The following CELF4 variants were observed in gnomAD, a reference collection of about 807,000 sequenced individuals.
CELF4 encodes CUGBP Elav-like family member 4, also known as CUG-BP- and ETR-3-like factor 4.
Under a neutral mutation model 59.9 loss-of-function variants are expected in CELF4, and 18 were observed. That is an observed-to-expected ratio of 0.30 (90% CI 0.21 to 0.45). The LOEUF is 0.45. CELF4 is among the 20% of genes least tolerant of loss of function. The pLI, the probability that CELF4 is intolerant of heterozygous loss-of-function variation, is 1.00. For synonymous variants in CELF4, 261 were observed against 267.1 expected, an observed-to-expected ratio of 0.98 and a Z score of 0.22; for missense variants, 456 against 689.0, an observed-to-expected ratio of 0.66 and a Z score of 3.79.
At chr18:37,515,029 A>T (rs2099949082) in intron 1 of CELF4, among the ~76,000 whole-genome samples, 1 of 152,176 alleles carries the variant, frequency 6.6e-6, no homozygotes, top group Non-Finnish European at 1.5e-5. Context: ...CTTTTAACAA[A>T]TCCTCATCCT....
In CELF4 at chr18:37,389,742, G is replaced by A. The variant is rs374520933; in HGVS notation, c.370-67861C>T. On this transcript the variant is annotated intron_variant, in intron 2 of 12. Coordinates refer to ENST00000420428, the MANE Select transcript of CELF4 (RefSeq NM_020180.4). ...GCGTCACACGTACAGGAGTGTGAGC[G>A]TGCACACAGTCAGAAATTTATAGAC... 5.5e-4 allele frequency among the ~76,000 whole-genome samples: 84 copies of A among 152,264 alleles called. 2 individuals are homozygous for A. The South Asian group carries it at 0.015, about 28-fold the overall frequency.
intron 2 of CELF4, among the ~76,000 whole-genome samples, chr18:37,387,662 G>T (rs987772712): frequency 1.3e-5 from 2 of 152,234 alleles, no homozygotes; most frequent in Admixed American, 1.3e-4. Flanking sequence ...AGAGTCCAGG[G>T]CTGGCTGAAG....
chr18:37,484,554 C>A (rs2099876907), intron 2 of CELF4, among the ~76,000 whole-genome samples: 1 of 152,208 alleles, frequency 6.6e-6, no homozygotes, highest in African/African-American at 2.4e-5. Flanking sequence ...AAGGAAGGCC[C>A]TGTGTAATTC....
chr18:37,442,878 C>T (rs571249033), intron 2 of CELF4, among the ~76,000 whole-genome samples: 37 of 152,304 alleles, frequency 2.4e-4, no homozygotes, highest in African/African-American at 8.7e-4. Context: ...TTAAGCTCTC[C>T]TTCCTTTTCT....
Position 37,273,142 on chromosome 18 carries a change from G to C in CELF4, c.823C>G (p.Leu275Val). 6.2e-7 allele frequency: 1 copy of C among 1,610,662 alleles called. No individual in the cohort carries two copies. The highest frequency in any genetic ancestry group is 1.7e-5 in the Admixed American group (1 of 59,972). The change falls in exon 7 of 13, where the codon CTG becomes GTG. Residue 275 changes from leucine to valine, a missense_variant. By Grantham distance (32) the Leu-to-Val change is conservative. Coordinates refer to ENST00000420428, the MANE Select transcript of CELF4 (RefSeq NM_020180.4). ...AQALMQQQAA[L>V]MASVAQGGYL... ...CCGCCCTGCGCGACTGATGCCATCA[G>C]GGCCGCTTGCTGCTGCATCAGCTGG...
intron 1 of CELF4, among the ~76,000 whole-genome samples, chr18:37,492,953 G>T (rs545680506): frequency 1.3e-5 from 2 of 152,232 alleles, no homozygotes; most frequent in South Asian, 4.1e-4. Flanking sequence ...TCCAGCCAAG[G>T]TTGACCCTCC....
intron 12 of CELF4, among the ~76,000 whole-genome samples, chr18:37,250,077 C>T (rs528494417): frequency 2.0e-5 from 3 of 152,040 alleles, no homozygotes; most frequent in South Asian, 2.1e-4. Context: ...TAAGCAGTGG[C>T]GGAACAAGGG....
intron 6 of CELF4, chr18:37,273,933 G>A (rs911216417): frequency 2.8e-6 from 3 of 1,067,356 alleles, no homozygotes; most frequent in Middle Eastern, 4.3e-4. Flanking sequence ...TGAAGTCACC[G>A]TTCCATGGAG....
At chr18:37,558,852 T>C (rs1603644191) in intron 1 of CELF4, among the ~76,000 whole-genome samples, 1 of 150,722 alleles carries the variant, frequency 6.6e-6, no homozygotes, top group Admixed American at 6.6e-5. Flanking sequence ...AAAAGGAAAG[T>C]CGCCTGGAAT....
intron 1 of CELF4, among the ~76,000 whole-genome samples, chr18:37,531,245 C>A (rs748575220): frequency 1.3e-5 from 2 of 152,086 alleles, no homozygotes; most frequent in Non-Finnish European, 2.9e-5. Flanking sequence ...TCAGCTGGGG[C>A]CCCCCTCCAG....
intron 2 of CELF4, among the ~76,000 whole-genome samples, chr18:37,390,960 G>A (rs1419223272): frequency 2.0e-5 from 3 of 152,068 alleles, no homozygotes; most frequent in South Asian, 2.1e-4. Context: ...TGCAGGGAGC[G>A]GGCCACCCGT....
At chr18:37,360,859 C>T (rs1047220643) in intron 2 of CELF4, among the ~76,000 whole-genome samples, 3 of 152,322 alleles carry the variant, frequency 2.0e-5, no homozygotes, top group African/African-American at 7.2e-5. Flanking sequence ...TATGTGATTG[C>T]GACAAAATCC....
intron 1 of CELF4, 93 bp downstream of exon 1, chr18:37,565,263 C>T: frequency 7.1e-7 from 1 of 1,412,118 alleles, no homozygotes; most frequent in Non-Finnish European, 9.5e-7. Flanking sequence ...CTTCCTCTCG[C>T]TTAGTCCGCC....
intron 4 of CELF4, 31 bp from the exon 5 acceptor site, chr18:37,274,915 C>T: frequency 6.3e-7 from 1 of 1,599,222 alleles, no homozygotes; most frequent in Non-Finnish European, 8.5e-7. Context: ...GAGCTGGGAC[C>T]CAGAAGCAGG....
intron 1 of CELF4, among the ~76,000 whole-genome samples, chr18:37,519,973 C>T (rs999410686): frequency 3.9e-5 from 6 of 152,152 alleles, no homozygotes; most frequent in East Asian, 1.9e-4. Flanking sequence ...CCTGGGAAAA[C>T]GGGAGGGAGA....
intron 3 of CELF4, among the ~76,000 whole-genome samples, chr18:37,304,710 C>T (rs895888633): frequency 6.6e-6 from 1 of 152,192 alleles, no homozygotes; most frequent in Non-Finnish European, 1.5e-5. Flanking sequence ...GGCCTGGGGA[C>T]AGCACTGTGT....
intron 2 of CELF4, among the ~76,000 whole-genome samples, chr18:37,394,228 G>A (rs973427788): frequency 6.6e-6 from 1 of 152,204 alleles, no homozygotes; most frequent in African/African-American, 2.4e-5. Flanking sequence ...ACTCTGGACA[G>A]GCGCGAGGGG....
intron 1 of CELF4, among the ~76,000 whole-genome samples, chr18:37,557,753 G>A (rs1222164507): frequency 6.6e-6 from 1 of 152,064 alleles, no homozygotes; most frequent in Non-Finnish European, 1.5e-5. Flanking sequence ...CAATATTTTT[G>A]GCTGTTCTGT....
intron 2 of CELF4, among the ~76,000 whole-genome samples, chr18:37,387,789 G>A (rs957698616): frequency 6.6e-6 from 1 of 152,218 alleles, no homozygotes; most frequent in African/African-American, 2.4e-5. Flanking sequence ...CCTTCCAGCT[G>A]TAATCCCAGT....
Sources: gnomAD v4.1 joint callset for allele counts (sites outside exome capture counted in the v4.1 genomes callset) on GRCh38, gnomAD v4.1.1 for gene constraint, MANE v1.5 for transcripts, NCBI Gene and HGNC (gene_info 2026-07-23, HGNC 2026-07-21) for gene names.